Variants in JMJD1C observed in about 807,000 individuals in gnomAD.
The protein encoded by JMJD1C is jumonji domain-containing protein 1C.
A neutral mutation model predicts 245.3 loss-of-function variants in JMJD1C; 31 were observed. The ratio of observed to expected loss-of-function variants is 0.13; its 90% CI spans 0.09 to 0.17. The LOEUF is 0.17. Among genes scored for constraint, JMJD1C ranks in the 10% least tolerant of loss-of-function variants. The pLI is 1.00. For synonymous variants in JMJD1C, 1,057 were observed against 1,017.4 expected, an observed-to-expected ratio of 1.04 and a Z score of -0.74; for missense variants, 2,691 against 3,000.2, an observed-to-expected ratio of 0.90 and a Z score of 2.41.
chr10:63,277,727 A>ATTTC (rs1856941116), intron 2 of JMJD1C, among the ~76,000 whole-genome samples: 1 of 83,166 alleles, frequency 1.2e-5, no homozygotes, highest in Non-Finnish European at 2.4e-5. Flanking sequence ...AGTAATTTGC[A>ATTTC]TTTCTTTTTT....
At chr10:63,315,158 G>C (rs149867723) in intron 2 of JMJD1C, among the ~76,000 whole-genome samples, 1 of 152,144 alleles carries the variant, frequency 6.6e-6, no homozygotes, top group Non-Finnish European at 1.5e-5. Flanking sequence ...AAGTACACTT[G>C]CAAGTCTGTT....
At chr10:63,465,230 G>A (rs1200532548) in intron 1 of JMJD1C, 3 of 404,024 alleles carry the variant, frequency 7.4e-6, no homozygotes, top group African/African-American at 4.1e-5. Flanking sequence ...GGGAGCCGCG[G>A]TCGACCCCTC....
At chr10:63,193,493 T>G (rs777622438) in intron 14 of JMJD1C, 21 bp from the exon 15 acceptor site, 1 of 1,546,164 alleles carries the variant, frequency 6.5e-7, no homozygotes, top group Non-Finnish European at 8.7e-7. Context: ...AAATGGTAGT[T>G]AATAAAAAGA....
chr10:63,227,957 T>C (rs1172859861), intron 3 of JMJD1C, among the ~76,000 whole-genome samples: 2 of 152,198 alleles, frequency 1.3e-5, no homozygotes, highest in Admixed American at 1.3e-4. Context: ...ATTTTGCTAA[T>C]AAGGATTTGC....
chr10:63,193,577 T>G, intron 14 of JMJD1C, 105 bp from the exon 15 acceptor site: 1 of 675,584 alleles, frequency 1.5e-6, no homozygotes, highest in Non-Finnish European at 2.3e-6. Flanking sequence ...TAACGGAGGT[T>G]TTCTTGTGCC....
chr10:63,183,411 T>C (rs564889507), intron 22 of JMJD1C, 36 bp downstream of exon 22: 1 of 1,569,014 alleles, frequency 6.4e-7, no homozygotes, highest in Non-Finnish European at 8.7e-7. Context: ...ATTATTCAAC[T>C]CTTATTTCAA....
At chr10:63,235,284 T>C in intron 3 of JMJD1C, among the ~76,000 whole-genome samples, 1 of 152,022 alleles carries the variant, frequency 6.6e-6, no homozygotes, top group South Asian at 2.1e-4. Flanking sequence ...TCGCCTGAGG[T>C]CACGAGTTCG....
rs188363578 is a variant in JMJD1C at position 63,399,830 on chromosome 10, T to C, written c.169-19348A>G. Reference sequence around the variant, plus strand: ...GGATTATGTAAAATATTGACATACTTGATTCAAAGTCACATCTAGAAAACA... The same window carrying C: ...GGATTATGTAAAATATTGACATACTCGATTCAAAGTCACATCTAGAAAACA... On this transcript the variant is annotated intron_variant, in intron 1 of 25. Transcript: ENST00000399262. 6.6e-4 allele frequency among the ~76,000 whole-genome samples: 101 copies of C among 152,126 alleles called. 1 individual carries two copies. The highest frequency in any genetic ancestry group is 2.4e-3 in the African/African-American group (98 of 41,532).
At chr10:63,487,922 T>G (rs1954049679) in intron 1 of JMJD1C, among the ~76,000 whole-genome samples, 1 of 152,230 alleles carries the variant, frequency 6.6e-6, no homozygotes, top group African/African-American at 2.4e-5. Context: ...TTATTCCTCA[T>G]GTAATACTTC....
intron 3 of JMJD1C, among the ~76,000 whole-genome samples, chr10:63,261,232 A>G (rs2133747334): frequency 6.6e-6 from 1 of 152,260 alleles, no homozygotes; most frequent in South Asian, 2.1e-4. Context: ...AAAATACTAA[A>G]AACTATAATA....
intron 3 of JMJD1C, chr10:63,222,854 G>A: frequency 6.9e-7 from 1 of 1,446,232 alleles, no homozygotes; most frequent in Non-Finnish European, 9.7e-7. Flanking sequence ...TACACATGCT[G>A]GATCAAAATA....
At chr10:63,225,294 C>A (rs1285867027) in intron 3 of JMJD1C, among the ~76,000 whole-genome samples, 1 of 151,908 alleles carries the variant, frequency 6.6e-6, no homozygotes, top group African/African-American at 2.4e-5. Flanking sequence ...CAGCAAACGA[C>A]AAATGGAAAA....
chr10:63,167,809 T>A lies in JMJD1C; in HGVS notation c.*236A>T. The A allele has an allele frequency of 2.4e-6, 1 of 418,606 alleles. No individual in the cohort carries two copies. The highest frequency in any genetic ancestry group is 3.5e-5 in the East Asian group (1 of 28,452). The allele number at this position is 418,606 out of a possible 1,614,324, so 25.9% of individuals were successfully genotyped here. ...ATTTTCACAAACATCATATACACTA[T>A]AATACAAAACAGCTATATAGTGCTG... is the stretch of plus-strand genomic sequence containing the variant. On this transcript the variant is annotated 3_prime_UTR_variant, in exon 26 of 26. Coordinates refer to ENST00000399262, the MANE Select transcript of JMJD1C (RefSeq NM_032776.3).
chr10:63,378,968 C>T (rs953026392), intron 2 of JMJD1C, among the ~76,000 whole-genome samples: 2 of 152,036 alleles, frequency 1.3e-5, no homozygotes, highest in African/African-American at 4.8e-5. Flanking sequence ...TTATTTTCAT[C>T]TTTCAATATT....
intron 1 of JMJD1C, among the ~76,000 whole-genome samples, chr10:63,449,201 T>C (rs1018585922): frequency 6.6e-6 from 1 of 152,214 alleles, no homozygotes; most frequent in African/African-American, 2.4e-5. Context: ...ATCACTAAAA[T>C]GTTTTTAAAT....
intron 1 of JMJD1C, among the ~76,000 whole-genome samples, chr10:63,451,443 T>C (rs1952062626): frequency 6.6e-6 from 1 of 152,196 alleles, no homozygotes; most frequent in African/African-American, 2.4e-5. Flanking sequence ...GTCGGTCCTC[T>C]GTACTGCATT....
chr10:63,280,765 T>C (rs1424252956), intron 2 of JMJD1C, among the ~76,000 whole-genome samples: 1 of 152,186 alleles, frequency 6.6e-6, no homozygotes, highest in Non-Finnish European at 1.5e-5. Flanking sequence ...CTTGTGTATA[T>C]ATAAAGAAGC....
chr10:63,516,792 C>A (rs1955029829), intron 1 of JMJD1C, among the ~76,000 whole-genome samples: 1 of 152,164 alleles, frequency 6.6e-6, no homozygotes, highest in Non-Finnish European at 1.5e-5. Flanking sequence ...CTTTTTCTAC[C>A]AATACCTATA....
At chr10:63,451,059 T>C (rs1425424547) in intron 1 of JMJD1C, among the ~76,000 whole-genome samples, 2 of 152,118 alleles carry the variant, frequency 1.3e-5, no homozygotes, top group Non-Finnish European at 2.9e-5. Flanking sequence ...CAATTCCATT[T>C]ACAGTAACAT....
Sources: gnomAD v4.1 joint callset for allele counts (sites outside exome capture counted in the v4.1 genomes callset) on GRCh38, gnomAD v4.1.1 for gene constraint, MANE v1.5 for transcripts, NCBI Gene and HGNC (gene_info 2026-07-23, HGNC 2026-07-21) for gene names.